Variants in EML5 observed in about 807,000 individuals in gnomAD.
EML5 encodes EMAP like 5.
EML5 carries 120 observed loss-of-function variants against 250.0 expected under a neutral mutation model. The ratio of observed to expected loss-of-function variants is 0.48; its 90% CI spans 0.41 to 0.56. The LOEUF (loss-of-function observed/expected upper bound fraction) is 0.56. Ranked by LOEUF, EML5 falls within the 20% of genes least tolerant of loss-of-function variation. The pLI is 0.00. For synonymous variants in EML5, 771 were observed against 806.5 expected (o/e 0.96, Z 0.75); for missense variants, 2,006 against 2,437.6 (o/e 0.82, Z 3.73).
intron 1 of EML5, among the ~76,000 whole-genome samples, chr14:88,761,659 A>G (rs1351500188): frequency 2.0e-5 from 3 of 152,164 alleles, no homozygotes; most frequent in Non-Finnish European, 4.4e-5. Context: ...ATAAACATAC[A>G]TGTGCATGTG....
chr14:88,754,725 T>G, intron 1 of EML5, 54 bp from the exon 2 acceptor site: 1 of 1,438,654 alleles, frequency 7.0e-7, no homozygotes, highest in East Asian at 2.5e-5. Flanking sequence ...TTATACAGAT[T>G]TTATAGTATT....
At chr14:88,645,840 A>C (rs2091321770) in intron 29 of EML5, among the ~76,000 whole-genome samples, 1 of 152,212 alleles carries the variant, frequency 6.6e-6, no homozygotes, top group Non-Finnish European at 1.5e-5. Context: ...TAGCTGTCAA[A>C]TCTCAAATCT....
At chr14:88,736,259 A>G (rs2093839541) in intron 7 of EML5, 105 bp downstream of exon 7, 3 of 1,330,074 alleles carry the variant, frequency 2.3e-6, no homozygotes, top group East Asian at 2.3e-5. Context: ...TTGGCCTCCC[A>G]AAGTGCTGGG....
At chr14:88,786,192 T>C (rs1369038734) in intron 1 of EML5, among the ~76,000 whole-genome samples, 1 of 152,246 alleles carries the variant, frequency 6.6e-6, no homozygotes, top group Non-Finnish European at 1.5e-5. Context: ...GAGGTCTTCC[T>C]GGCCACCCTA....
At chr14:88,622,515 T>C (rs1252960004) in intron 37 of EML5, 89 bp downstream of exon 37, 5 of 1,035,674 alleles carry the variant, frequency 4.8e-6, no homozygotes, top group Non-Finnish European at 6.8e-6. Context: ...TATTAAGTAT[T>C]GTTCATTAGG....
intron 21 of EML5, among the ~76,000 whole-genome samples, chr14:88,676,456 C>G (rs2092595591): frequency 6.6e-6 from 1 of 152,124 alleles, no homozygotes. Context: ...CGGGAAAGAC[C>G]TGCCCCCATG....
intron 7 of EML5, among the ~76,000 whole-genome samples, chr14:88,727,789 G>A (rs1369553677): frequency 6.6e-6 from 1 of 152,102 alleles, no homozygotes; most frequent in African/African-American, 2.4e-5. Context: ...GAGTGTGTGT[G>A]TAGACACACA....
At chr14:88,736,077 T>C (rs1289829130) in intron 7 of EML5, among the ~76,000 whole-genome samples, 3 of 151,206 alleles carry the variant, frequency 2.0e-5, no homozygotes, top group Non-Finnish European at 4.4e-5. Flanking sequence ...CTTGGCGCAC[T>C]GCAACCTTCG....
chr14:88,712,510 A>G, intron 9 of EML5, 27 bp from the exon 10 acceptor site: 2 of 1,566,474 alleles, frequency 1.3e-6, no homozygotes, highest in Non-Finnish European at 1.7e-6. Flanking sequence ...GTCTTAATTT[A>G]AAAAGTTATT....
intron 6 of EML5, among the ~76,000 whole-genome samples, chr14:88,737,447 C>T (rs928515133): frequency 9.8e-5 from 15 of 152,298 alleles, no homozygotes; most frequent in African/African-American, 2.6e-4. Flanking sequence ...ATAAGCCAAG[C>T]GCAGCCTGCC....
At position 88,687,333 on chromosome 14, in the gene EML5, G is replaced by GAA; in HGVS notation, c.2743-8_2743-7dup. 2.0e-6 allele frequency: 3 copies of GAA among 1,527,314 alleles called. No homozygotes were observed. Among genetic ancestry groups the GAA allele is most frequent in the Admixed American group, 4.4e-5 (2 of 45,774 alleles). The allele number at this position is 1,527,314 out of a possible 1,614,324, so 94.6% of individuals were successfully genotyped here. A position where few individuals can be genotyped will look rare whatever the true frequency, so the allele number is the denominator to read the frequency against. ...TTTCCTCCAGTTACAAACCCCTATG[G>GAA]AAAAAAAAAGGTTCAAGTTAATAAA... On this transcript the variant is annotated splice_region_variant and splice_polypyrimidine_tract_variant and intron_variant, in intron 18 of 43. Transcript: ENST00000554922.
chr14:88,712,027 AAAAG>A (rs1471465547), intron 10 of EML5, among the ~76,000 whole-genome samples: 21 of 152,334 alleles, frequency 1.4e-4, no homozygotes, highest in Middle Eastern at 3.4e-3. Flanking sequence ...CGTTTCTTTG[AAAAG>A]AAAGAGATAT....
intron 27 of EML5, among the ~76,000 whole-genome samples, chr14:88,652,991 C>T (rs1465155481): frequency 2.6e-5 from 4 of 152,026 alleles, no homozygotes; most frequent in African/African-American, 7.2e-5. Context: ...GTGGTTTGTA[C>T]CTCTCTTTGA....
chr14:88,707,149 T>C (rs1327075377), intron 10 of EML5, among the ~76,000 whole-genome samples: 1 of 152,186 alleles, frequency 6.6e-6, no homozygotes, highest in Non-Finnish European at 1.5e-5. Context: ...AGTTCTATCA[T>C]TAGAGATGTT....
intron 27 of EML5, among the ~76,000 whole-genome samples, chr14:88,650,315 G>A (rs1428859294): frequency 6.6e-5 from 10 of 151,960 alleles, no homozygotes; most frequent in South Asian, 2.1e-4. Flanking sequence ...ATAACTGGGC[G>A]TGGTGGTGCC....
At chr14:88,703,465 G>A (rs1447725293) in intron 13 of EML5, among the ~76,000 whole-genome samples, 1 of 152,066 alleles carries the variant, frequency 6.6e-6, no homozygotes, top group Non-Finnish European at 1.5e-5. Context: ...CCTCATCCAA[G>A]ACAAAGTAGT....
chr14:88,751,854 CCAGACAAAATCTTATTTG>C (rs1473852470), intron 2 of EML5, among the ~76,000 whole-genome samples: 23 of 152,140 alleles, frequency 1.5e-4, no homozygotes, highest in Admixed American at 1.1e-3. Context: ...GATCCTATTC[CCAGACAAAATCTTATTTG>C]TGTCCATTAA....
chr14:88,641,532 G>A (rs1024182762), intron 31 of EML5, among the ~76,000 whole-genome samples: 13 of 152,120 alleles, frequency 8.5e-5, no homozygotes, highest in East Asian at 1.9e-4. Context: ...GCAAATTAAC[G>A]AATGTGATTT....
chr14:88,660,410 A>G (rs2092044089), intron 25 of EML5, among the ~76,000 whole-genome samples: 1 of 152,146 alleles, frequency 6.6e-6, no homozygotes, highest in South Asian at 2.1e-4. Context: ...AGAATTAAGT[A>G]CTTGCACAGC....
Sources: gnomAD v4.1 joint callset for allele counts (sites outside exome capture counted in the v4.1 genomes callset) on GRCh38, gnomAD v4.1.1 for gene constraint, MANE v1.5 for transcripts, NCBI Gene and HGNC (gene_info 2026-07-23, HGNC 2026-07-21) for gene names.